The following PIK3CD variants were observed in gnomAD, a reference collection of about 807,000 sequenced individuals.
PIK3CD encodes the protein phosphatidylinositol 4,5-bisphosphate 3-kinase catalytic subunit delta isoform.
Under a neutral mutation model 122.9 loss-of-function variants are expected in PIK3CD, and 20 were observed. The ratio of observed to expected loss-of-function variants is 0.16; its 90% CI spans 0.11 to 0.24. The LOEUF is 0.24. Ranked by LOEUF, PIK3CD falls within the 10% of genes least tolerant of loss-of-function variation. The probability of loss-of-function intolerance (pLI) is 1.00; values close to 1 mark genes in which losing one functional copy is unlikely to be tolerated. For synonymous variants in PIK3CD, 596 were observed against 593.4 expected (o/e 1.00, Z -0.06); for missense variants, 787 against 1,406.3 (o/e 0.56, Z 7.04).
the PIK3CD span, among the ~76,000 whole-genome samples, chr1:9,638,605 G>A: frequency 5.3e-5 from 8 of 151,574 alleles, no homozygotes; most frequent in South Asian, 8.3e-4. Flanking sequence ...GGTGGCGGGC[G>A]CCTGTAGTCC....
chr1:9,675,780 T>A (rs1010171905), intron 1 of PIK3CD, among the ~76,000 whole-genome samples: 1 of 151,774 alleles, frequency 6.6e-6, no homozygotes, highest in Non-Finnish European at 1.5e-5. Context: ...TTTTCCTTTT[T>A]TTAGAAACAG....
At chr1:9,628,617 GCC>G in the PIK3CD span, among the ~76,000 whole-genome samples, 1 of 152,222 alleles carries the variant, frequency 6.6e-6, no homozygotes, top group Non-Finnish European at 1.5e-5. Context: ...TGAGGTTTCA[GCC>G]TCAGTGACCG....
intron 1 of PIK3CD, among the ~76,000 whole-genome samples, 183 bp from the exon 2 acceptor site, chr1:9,691,284 G>GCC (rs1646187172): frequency 6.6e-6 from 1 of 152,170 alleles, no homozygotes. Flanking sequence ...GGGAGCTGGG[G>GCC]GTGGCATTGA....
chr1:9,650,888 G>T (rs142651609), upstream of PIK3CD, among the ~76,000 whole-genome samples: 12 of 152,278 alleles, frequency 7.9e-5, no homozygotes, highest in East Asian at 2.3e-3. Flanking sequence ...TTGTTTCCCA[G>T]GCTGGAGTGC....
At chr1:9,668,506 C>A (rs980218797) in intron 1 of PIK3CD, among the ~76,000 whole-genome samples, 1 of 147,400 alleles carries the variant, frequency 6.8e-6, no homozygotes, top group African/African-American at 2.5e-5. Flanking sequence ...TTTTGGGGTA[C>A]AGGTGGTTTT....
At chr1:9,676,358 A>G (rs1039725238) in intron 1 of PIK3CD, among the ~76,000 whole-genome samples, 1 of 152,222 alleles carries the variant, frequency 6.6e-6, no homozygotes. Flanking sequence ...CACCGTGCCC[A>G]GCCTAGTTCC....
intron 1 of PIK3CD, chr1:9,654,275 CGCGTTTCT>C (rs752016499): frequency 6.6e-6 from 9 of 1,367,630 alleles, no homozygotes; most frequent in South Asian, 4.5e-5. Flanking sequence ...GCAGGAAAAG[CGCGTTTCT>C]GCGTTTCTGC....
chr1:9,658,907 G>C (rs1644935617), intron 1 of PIK3CD, among the ~76,000 whole-genome samples: 1 of 152,122 alleles, frequency 6.6e-6, no homozygotes, highest in South Asian at 2.1e-4. Context: ...ATACCTACCT[G>C]TTAGTCTTGA....
At chr1:9,711,099 T>G (rs1337321805) in intron 3 of PIK3CD, among the ~76,000 whole-genome samples, 1 of 152,078 alleles carries the variant, frequency 6.6e-6, no homozygotes, top group Non-Finnish European at 1.5e-5. Flanking sequence ...ATGGTTTTTT[T>G]GGTTTTTGTT....
rs113697105 is a variant in PIK3CD at position 9,719,751 on chromosome 1, AAG to A, written c.1243-167_1243-166del. On this transcript the variant is annotated intron_variant, in intron 9 of 23. Coordinates refer to ENST00000377346, the MANE Select transcript of PIK3CD (RefSeq NM_005026.5). This position sits in a 1 kb window ranked among gnomAD's most constrained non-coding sequence, Gnocchi z 5.5. ...CTTCACCACTGGAGCCCTCAGAGGA[AAG>A]AGGAAAAAGCGGCTCCTCTCCTTCC... 1.3e-5 allele frequency among the ~76,000 whole-genome samples: 2 copies of A among 151,690 alleles called. No individual in the cohort carries two copies. The highest frequency in any genetic ancestry group is 4.8e-5 in the African/African-American group (2 of 41,358).
chr1:9,698,349 T>C (rs1331264220), intron 2 of PIK3CD, among the ~76,000 whole-genome samples: 1 of 152,020 alleles, frequency 6.6e-6, no homozygotes, highest in Non-Finnish European at 1.5e-5. Context: ...ACCACGTTGG[T>C]CAGGCTGGTC....
intron 1 of PIK3CD, among the ~76,000 whole-genome samples, chr1:9,663,545 G>A (rs181143928): frequency 9.2e-4 from 140 of 152,096 alleles, no homozygotes; most frequent in African/African-American, 3.3e-3. Context: ...GCATTAAGAG[G>A]TCTGACTTTA....
At chr1:9,701,034 C>T (rs927094927) in intron 2 of PIK3CD, among the ~76,000 whole-genome samples, 19 of 152,142 alleles carry the variant, frequency 1.2e-4, no homozygotes, top group African/African-American at 4.3e-4. Context: ...GCAGTCCTTC[C>T]ACACCGCAGC....
chr1:9,727,422 C>T lies in PIK3CD; in HGVS notation c.*376C>T, dbSNP rs1391671149. Reference sequence around the variant, plus strand: ...CTGGGTCCTGGCGCCTGGCGGTCACCTGGTGCCTACTGTCCGACAGGATGC... The same window carrying T: ...CTGGGTCCTGGCGCCTGGCGGTCACTTGGTGCCTACTGTCCGACAGGATGC... On this transcript the variant is annotated 3_prime_UTR_variant, in exon 24 of 24. Coordinates refer to ENST00000377346, the MANE Select transcript of PIK3CD (RefSeq NM_005026.5). The T allele has an allele frequency of 2.4e-6, 1 of 412,968 alleles. No homozygotes were observed. The highest frequency in any genetic ancestry group is 4.6e-6 in the Non-Finnish European group (1 of 218,460). 25.6% of individuals were successfully genotyped at this position (412,968 alleles called of 1,614,324 possible).
In PIK3CD at chr1:9,698,700, A is replaced by G. The variant is rs1414237608; in HGVS notation, c.-33+7129A>G. Among the ~76,000 whole-genome samples, 3 of 152,146 alleles carry G rather than the reference A, an allele frequency of 2.0e-5. No individual in the cohort carries two copies. The South Asian group carries it at 6.2e-4, about 32-fold the overall frequency. On this transcript the variant is annotated intron_variant, in intron 2 of 23. Transcript: ENST00000377346. ...TCTTTAGGATAATTCCCAAATTCCC[A>G]AAGTTACCAGGTCTGAGACCATGGA...
At chr1:9,713,315 T>G (rs752025243) in intron 3 of PIK3CD, among the ~76,000 whole-genome samples, 43 of 152,112 alleles carry the variant, frequency 2.8e-4, no homozygotes, top group Non-Finnish European at 3.2e-4. Context: ...CACTCCAGCC[T>G]GGGTGACAGA....
rs367969175 is a variant in PIK3CD, at chr1:9,700,772, C to A, written c.-33+9201C>A. Among the ~76,000 whole-genome samples, 1 of 152,082 alleles carries A rather than the reference C, an allele frequency of 6.6e-6. No homozygotes were observed. Among genetic ancestry groups the A allele is most frequent in the Non-Finnish European group, 1.5e-5 (1 of 68,006 alleles). ...ATTCATTTGGTCTAAAATGGGGCTC[C>A]GGCTGTCTTATCCCACCAGAAATCT... On this transcript the variant is annotated intron_variant, in intron 2 of 23. Coordinates refer to ENST00000377346, the MANE Select transcript of PIK3CD (RefSeq NM_005026.5). The surrounding 1 kb of genome is among the most constrained non-coding windows in gnomAD (Gnocchi z 5.1).
chr1:9,712,287 A>G (rs1416651237), intron 3 of PIK3CD, among the ~76,000 whole-genome samples: 2 of 145,844 alleles, frequency 1.4e-5, no homozygotes, highest in African/African-American at 5.2e-5. Context: ...ATTTTTATTT[A>G]TTTTTATTTT....
At chr1:9,648,031 C>T (rs765513856), upstream of PIK3CD, among the ~76,000 whole-genome samples, 13 of 152,148 alleles carry the variant, frequency 8.5e-5, no homozygotes, top group Non-Finnish European at 1.6e-4. Flanking sequence ...TTTCATTTAC[C>T]ATGAATGACT....
Sources: gnomAD v4.1 joint callset for allele counts (sites outside exome capture counted in the v4.1 genomes callset) on GRCh38, gnomAD v4.1.1 for gene constraint, Gnocchi (gnomAD v3.1) non-coding constraint, MANE v1.5 for transcripts, NCBI Gene and HGNC (gene_info 2026-07-23, HGNC 2026-07-21) for gene names.